Variants in PPP2R2A observed in about 807,000 individuals in gnomAD.
PPP2R2A encodes serine/threonine-protein phosphatase 2A 55 kDa regulatory subunit B alpha isoform.
Under a neutral mutation model 53.2 loss-of-function variants are expected in PPP2R2A, and 9 were observed. The ratio of observed to expected loss-of-function variants is 0.17; its 90% CI spans 0.10 to 0.30. PPP2R2A has a LOEUF of 0.30. Ranked by LOEUF, PPP2R2A falls within the 10% of genes least tolerant of loss-of-function variation. PPP2R2A has a pLI of 1.00. For synonymous variants in PPP2R2A, 169 were observed against 174.2 expected, an observed-to-expected ratio of 0.97 and a Z score of 0.23; for missense variants, 235 against 534.6, an observed-to-expected ratio of 0.44 and a Z score of 5.53.
At chr8:26,369,444 G>A (rs1805553946) in intron 9 of PPP2R2A, among the ~76,000 whole-genome samples, 3 of 151,626 alleles carry the variant, frequency 2.0e-5, no homozygotes, top group Admixed American at 6.6e-5. Flanking sequence ...AGGCTGGAGT[G>A]CAGTGGCACG....
intron 9 of PPP2R2A, among the ~76,000 whole-genome samples, chr8:26,367,392 G>A (rs1805430158): frequency 6.6e-6 from 1 of 152,146 alleles, no homozygotes; most frequent in East Asian, 1.9e-4. Flanking sequence ...GTTTTTCATT[G>A]TATTTAAGCA....
intron 4 of PPP2R2A, among the ~76,000 whole-genome samples, chr8:26,358,585 C>T (rs759263781): frequency 6.6e-6 from 1 of 152,130 alleles, no homozygotes; most frequent in Non-Finnish European, 1.5e-5. Flanking sequence ...TTCTTCTGTA[C>T]GATACAGAGA....
In PPP2R2A at chr8:26,338,116, G is replaced by A. The variant is rs1803762074; in HGVS notation, c.83-774G>A. Among the ~76,000 whole-genome samples the A allele has an allele frequency of 6.6e-6, 1 of 152,178 alleles. No homozygotes were observed. The highest frequency in any genetic ancestry group is 2.1e-4 in the South Asian group (1 of 4,834). ...GCTTTATAGTGAAGAACTTCTTAAT[G>A]ACACAGTGATGAATTTTACCATGTT... On this transcript the variant is annotated intron_variant, in intron 2 of 9. Transcript: ENST00000380737. The surrounding 1 kb of genome is among the most constrained non-coding windows in gnomAD (Gnocchi z 4.5).
intron 2 of PPP2R2A, among the ~76,000 whole-genome samples, chr8:26,337,365 C>A (rs926479229): frequency 7.2e-5 from 11 of 152,292 alleles, no homozygotes; most frequent in South Asian, 4.1e-4. Flanking sequence ...TAAAGATAAT[C>A]TTGACTCTGT....
chr8:26,307,156 A>C (rs926085598), intron 2 of PPP2R2A, among the ~76,000 whole-genome samples: 1 of 152,232 alleles, frequency 6.6e-6, no homozygotes, highest in Non-Finnish European at 1.5e-5. Context: ...ACAGATTTCT[A>C]TATGGAGAGT....
chr8:26,323,131 A>C (rs1377312419), intron 2 of PPP2R2A, among the ~76,000 whole-genome samples: 1 of 152,090 alleles, frequency 6.6e-6, no homozygotes, highest in African/African-American at 2.4e-5. Context: ...TTCTTTATCT[A>C]TACTTATTCA....
intron 4 of PPP2R2A, among the ~76,000 whole-genome samples, chr8:26,356,069 T>A (rs1427441966): frequency 6.6e-6 from 1 of 152,160 alleles, no homozygotes; most frequent in African/African-American, 2.4e-5. Context: ...CTATAAAAAT[T>A]TGTGATTAAA....
Position 26,362,594 on chromosome 8 carries a change from A to T in PPP2R2A, c.638-90A>T. The T allele has an allele frequency of 1.7e-6, 2 of 1,191,072 alleles. No individual in the cohort carries two copies. Among genetic ancestry groups the T allele is most frequent in the Non-Finnish European group, 2.4e-6 (2 of 845,588 alleles). The allele number at this position is 1,191,072 out of a possible 1,614,324, so 73.8% of individuals were successfully genotyped here. Reference sequence around the variant, plus strand: ...CAATTCAGAATTAATATTTTTGCTTAGGTCCATGAATGGGTTTTAGGTTTG... The same window carrying T: ...CAATTCAGAATTAATATTTTTGCTTTGGTCCATGAATGGGTTTTAGGTTTG... On this transcript the variant is annotated intron_variant, in intron 6 of 9. Coordinates refer to ENST00000380737, the MANE Select transcript of PPP2R2A (RefSeq NM_002717.4). The surrounding 1 kb of genome is among the most constrained non-coding windows in gnomAD (Gnocchi z 4.4).
At chr8:26,318,820 T>C (rs1585348405) in intron 2 of PPP2R2A, among the ~76,000 whole-genome samples, 1 of 152,186 alleles carries the variant, frequency 6.6e-6, no homozygotes, top group Admixed American at 6.5e-5. Flanking sequence ...TTACTTGCCA[T>C]GCCTTGGGAC....
intron 4 of PPP2R2A, chr8:26,358,794 A>T: frequency 2.7e-6 from 1 of 364,782 alleles, no homozygotes; most frequent in Non-Finnish European, 5.7e-6. Flanking sequence ...TGATACAAAT[A>T]AACAATTGAA....
intron 2 of PPP2R2A, among the ~76,000 whole-genome samples, chr8:26,294,711 T>G (rs1801467395): frequency 6.6e-6 from 1 of 152,194 alleles, no homozygotes; most frequent in African/African-American, 2.4e-5. Flanking sequence ...GGGTACTGTT[T>G]GTTCTGGAGA....
intron 2 of PPP2R2A, among the ~76,000 whole-genome samples, chr8:26,333,050 A>C (rs1170616632): frequency 6.6e-6 from 1 of 152,218 alleles, no homozygotes; most frequent in African/African-American, 2.4e-5. Flanking sequence ...AGAGAGAATA[A>C]ATGCCCACTT....
At chr8:26,307,888 T>C (rs1802095756) in intron 2 of PPP2R2A, among the ~76,000 whole-genome samples, 1 of 152,200 alleles carries the variant, frequency 6.6e-6, no homozygotes, top group Non-Finnish European at 1.5e-5. Context: ...TTGAACCTTG[T>C]TGGTTCTTCT....
chr8:26,315,416 G>A (rs1386468164), intron 2 of PPP2R2A, among the ~76,000 whole-genome samples: 1 of 152,178 alleles, frequency 6.6e-6, no homozygotes, highest in East Asian at 1.9e-4. Context: ...TGGGAGCCAG[G>A]AAGATCACCG....
At chr8:26,315,781 G>T (rs1473180039) in intron 2 of PPP2R2A, among the ~76,000 whole-genome samples, 3 of 152,024 alleles carry the variant, frequency 2.0e-5, no homozygotes, top group Non-Finnish European at 4.4e-5. Context: ...CGTTTTCTTT[G>T]TTCTTATTTT....
intron 2 of PPP2R2A, among the ~76,000 whole-genome samples, chr8:26,302,192 GTGGACATTT>G (rs1197084043): frequency 6.6e-6 from 1 of 152,152 alleles, no homozygotes; most frequent in Non-Finnish European, 1.5e-5. Flanking sequence ...TGGATATTTG[GTGGACATTT>G]TCTCAAAAGA....
chr8:26,369,057 G>A (rs1474914987), intron 9 of PPP2R2A, among the ~76,000 whole-genome samples: 6 of 150,558 alleles, frequency 4.0e-5, no homozygotes, highest in Non-Finnish European at 8.9e-5. Flanking sequence ...GCAGTGAGCC[G>A]AGATCGCACC....
intron 3 of PPP2R2A, among the ~76,000 whole-genome samples, chr8:26,349,745 T>C (rs1038168481): frequency 2.6e-5 from 4 of 152,334 alleles, no homozygotes; most frequent in Admixed American, 2.0e-4. Flanking sequence ...TTTATGAGCC[T>C]GTCTTATTAA....
intron 2 of PPP2R2A, among the ~76,000 whole-genome samples, chr8:26,336,877 T>C (rs938317470): frequency 1.3e-5 from 2 of 151,512 alleles, no homozygotes; most frequent in African/African-American, 4.8e-5. Flanking sequence ...TAAAGACTCT[T>C]TTAAGAAAAA....
Sources: allele counts gnomAD v4.1 joint callset (sites outside exome capture counted in the v4.1 genomes callset), GRCh38; gene constraint gnomAD v4.1.1; non-coding constraint Gnocchi (gnomAD v3.1); transcripts MANE v1.5; gene names NCBI Gene and HGNC (gene_info 2026-07-23, HGNC 2026-07-21).